Variants in RBFOX3 observed in about 807,000 individuals in gnomAD.
RBFOX3 encodes the protein RNA binding protein fox-1 homolog 3.
A neutral mutation model predicts 48.7 loss-of-function variants in RBFOX3; 17 were observed. That is an observed-to-expected ratio of 0.35 (90% CI 0.24 to 0.52). The LOEUF (loss-of-function observed/expected upper bound fraction) is 0.52. RBFOX3 is among the 20% of genes least tolerant of loss of function. RBFOX3 has a pLI of 0.94. For synonymous variants in RBFOX3, 212 were observed against 209.5 expected, an observed-to-expected ratio of 1.01 and a Z score of -0.10; for missense variants, 382 against 497.5, an observed-to-expected ratio of 0.77 and a Z score of 2.21.
At chr17:79,606,700 C>G (rs1452316976) in intron 1 of RBFOX3, among the ~76,000 whole-genome samples, 1 of 152,144 alleles carries the variant, frequency 6.6e-6, no homozygotes, top group Non-Finnish European at 1.5e-5. Flanking sequence ...GGAGGTGACT[C>G]GTCTGTCTGT....
chr17:79,242,806 C>T lies in RBFOX3; in HGVS notation c.-73-7001G>A, dbSNP rs78041972. 6.9e-3 allele frequency among the ~76,000 whole-genome samples: 1,056 copies of T among 152,228 alleles called. 20 individuals are homozygous for T. Among genetic ancestry groups the T allele is most frequent in the African/African-American group, 0.022 (912 of 41,536 alleles). ...AGGGCAGGGCTTAGGGGTTATACGC[C>T]GTGCTCAGAGCAGTTTTGCCTCCTC... On this transcript the variant is annotated intron_variant, in intron 3 of 14. Transcript: ENST00000693108. This position sits in a 1 kb window ranked among gnomAD's most constrained non-coding sequence, Gnocchi z 5.8.
intron 2 of RBFOX3, among the ~76,000 whole-genome samples, chr17:79,398,475 G>A (rs568485781): frequency 1.7e-5 from 2 of 116,798 alleles, no homozygotes; most frequent in Admixed American, 1.7e-4. Context: ...CATAAACCAC[G>A]TCAGCGGCTC....
intron 4 of RBFOX3, among the ~76,000 whole-genome samples, chr17:79,173,150 C>T (rs8081310): frequency 3.7e-4 from 57 of 152,302 alleles, no homozygotes; most frequent in African/African-American, 1.3e-3. Context: ...GCAGAAGTTG[C>T]AGTGAGCCGA....
At chr17:79,579,822 T>C (rs1343376414) in intron 1 of RBFOX3, among the ~76,000 whole-genome samples, 1,623 of 107,922 alleles carry the variant, frequency 0.015, 30 homozygotes, top group African/African-American at 0.05. Context: ...CCACTGGCGC[T>C]GTGGTGGGGA....
chr17:79,442,313 GGGAGT>G (rs1555735460), intron 2 of RBFOX3, among the ~76,000 whole-genome samples: 3 of 26,522 alleles, frequency 1.1e-4, no homozygotes, highest in Admixed American at 2.9e-4. Context: ...GGGAGAGAGA[GGGAGT>G]GAGGGAGGGA....
At chr17:79,512,765 A>G (rs1194509660) in intron 1 of RBFOX3, among the ~76,000 whole-genome samples, 26 of 144,250 alleles carry the variant, frequency 1.8e-4, no homozygotes, top group African/African-American at 6.0e-4. Flanking sequence ...GCCAGGGGAC[A>G]CCCACCCGGA....
At chr17:79,442,500 G>C (rs533691070) in intron 2 of RBFOX3, among the ~76,000 whole-genome samples, 2 of 152,106 alleles carry the variant, frequency 1.3e-5, no homozygotes, top group African/African-American at 4.8e-5. Flanking sequence ...CTTGTGGTGA[G>C]AGGCGTATGG....
chr17:79,260,966 T>A (rs956197396), intron 3 of RBFOX3, among the ~76,000 whole-genome samples: 24 of 151,962 alleles, frequency 1.6e-4, no homozygotes, highest in African/African-American at 5.6e-4. Context: ...CTCCAGCCTC[T>A]CCCCTACCAT....
At chr17:79,236,514 C>G (rs2061658596) in intron 3 of RBFOX3, among the ~76,000 whole-genome samples, 1 of 152,136 alleles carries the variant, frequency 6.6e-6, no homozygotes, top group South Asian at 2.1e-4. Flanking sequence ...TGGTCTCAAC[C>G]TCCTGAGCTC....
chr17:79,280,442 G>A (rs1422459606), intron 3 of RBFOX3, among the ~76,000 whole-genome samples: 1 of 152,188 alleles, frequency 6.6e-6, no homozygotes, highest in African/African-American at 2.4e-5. Context: ...GCTGGAATGT[G>A]AGGCCCACCC....
chr17:79,214,037 G>T lies in RBFOX3; in HGVS notation c.-34+21729C>A, dbSNP rs575609839. 6.6e-6 allele frequency among the ~76,000 whole-genome samples: 1 copy of T among 152,308 alleles called. No individual in the cohort carries two copies. The highest frequency in any genetic ancestry group is 2.4e-5 in the African/African-American group (1 of 41,564). On this transcript the variant is annotated intron_variant, in intron 4 of 14. Transcript: ENST00000693108. This position sits in a 1 kb window ranked among gnomAD's most constrained non-coding sequence, Gnocchi z 4.7. ...TCCGAAGGTGGTGCCAGCGGATGTT[G>T]GGAGGCCCGGTGAACTACAGCCAAC...
At chr17:79,162,606 T>C (rs1275895966) in intron 4 of RBFOX3, among the ~76,000 whole-genome samples, 8 of 152,220 alleles carry the variant, frequency 5.3e-5, no homozygotes, top group Non-Finnish European at 4.4e-5. Context: ...TATAATAAAA[T>C]GGAATTTGTA....
At chr17:79,167,453 G>C (rs1267803971) in intron 4 of RBFOX3, among the ~76,000 whole-genome samples, 1 of 150,150 alleles carries the variant, frequency 6.7e-6, no homozygotes, top group Non-Finnish European at 1.5e-5. Context: ...AGGGCTGTGG[G>C]TCCATGGGAC....
intron 3 of RBFOX3, among the ~76,000 whole-genome samples, chr17:79,240,674 A>AT (rs2062227208): frequency 1.3e-5 from 2 of 151,970 alleles, no homozygotes; most frequent in South Asian, 2.1e-4. Context: ...TGTTCTTTTT[A>AT]TTTTTTTGAG....
chr17:79,135,572 C>T (rs969803786), intron 4 of RBFOX3, among the ~76,000 whole-genome samples: 11 of 152,164 alleles, frequency 7.2e-5, no homozygotes, highest in Admixed American at 7.2e-4. Context: ...ATGACTGGCC[C>T]GACCTTCCTT....
At chr17:79,225,995 G>C (rs548211342) in intron 4 of RBFOX3, among the ~76,000 whole-genome samples, 5 of 152,332 alleles carry the variant, frequency 3.3e-5, no homozygotes, top group Non-Finnish European at 7.4e-5. Context: ...CAGGTGGTCA[G>C]AGTAAGTGTA....
intron 1 of RBFOX3, among the ~76,000 whole-genome samples, chr17:79,604,513 G>A (rs1358350139): frequency 6.6e-6 from 1 of 152,172 alleles, no homozygotes; most frequent in African/African-American, 2.4e-5. Flanking sequence ...GGAAGAAGAG[G>A]TCACCAGCAG....
chr17:79,618,184 G>C, the RBFOX3 span, among the ~76,000 whole-genome samples: 2 of 152,300 alleles, frequency 1.3e-5, no homozygotes, highest in Non-Finnish European at 2.9e-5. Context: ...TGTTTGGGGA[G>C]CGGCGATAGC....
chr17:79,285,033 C>T (rs1235451682), intron 3 of RBFOX3, among the ~76,000 whole-genome samples: 5 of 152,184 alleles, frequency 3.3e-5, no homozygotes, highest in African/African-American at 1.2e-4. Flanking sequence ...TGACACCTGG[C>T]AAATGATTCC....
Sources: gnomAD v4.1 joint callset for allele counts (sites outside exome capture counted in the v4.1 genomes callset) on GRCh38, gnomAD v4.1.1 for gene constraint, Gnocchi (gnomAD v3.1) non-coding constraint, MANE v1.5 for transcripts, NCBI Gene and HGNC (gene_info 2026-07-23, HGNC 2026-07-21) for gene names.